BCR: variants seen among roughly 807,000 people sequenced by gnomAD.
The protein encoded by BCR is BCR activator of RhoGEF and GTPase.
A neutral mutation model predicts 138.6 loss-of-function variants in BCR; 58 were observed. The ratio of observed to expected loss-of-function variants is 0.42; its 90% CI spans 0.34 to 0.52. BCR has a LOEUF of 0.52. Ranked by LOEUF, BCR falls within the 20% of genes least tolerant of loss-of-function variation. BCR has a pLI of 0.06. For synonymous variants in BCR, 786 were observed against 730.1 expected, an observed-to-expected ratio of 1.08 and a Z score of -1.23; for missense variants, 1,599 against 1,727.2, an observed-to-expected ratio of 0.93 and a Z score of 1.32.
intron 1 of BCR, among the ~76,000 whole-genome samples, chr22:23,196,310 G>T (rs1007545921): frequency 1.3e-5 from 2 of 152,208 alleles, no homozygotes; most frequent in African/African-American, 4.8e-5. Context: ...GCAGGCCAGG[G>T]TGGGAGCCGG....
At chr22:23,274,845 T>C (rs2073553845) in intron 8 of BCR, among the ~76,000 whole-genome samples, 1 of 144,244 alleles carries the variant, frequency 6.9e-6, no homozygotes, top group African/African-American at 2.6e-5. Flanking sequence ...GAGGCGGAGT[T>C]TGCAGTGAGC....
intron 16 of BCR, among the ~76,000 whole-genome samples, chr22:23,303,977 C>T (rs553727670): frequency 7.6e-5 from 11 of 144,494 alleles, no homozygotes; most frequent in African/African-American, 2.6e-5. Context: ...CTCTGTTGCC[C>T]AGGTTGGAGT....
At chr22:23,283,087 T>A (rs1421673208) in intron 8 of BCR, 1 of 152,218 alleles carries the variant, frequency 6.6e-6, no homozygotes, top group Admixed American at 6.5e-5. Flanking sequence ...TGCGACAGCC[T>A]CTCCTCCTGT....
In BCR at chr22:23,181,515, G is replaced by C. The variant is rs200215919; in HGVS notation, c.555G>C (p.Glu185Asp). ...PFYVNVEFHHERGLVKVNDKE... is the reference protein window; with the variant it reads ...PFYVNVEFHHDRGLVKVNDKE... ...ACGTGAACGTCGAGTTTCACCACGA[G>C]CGCGGCCTGGTGAAGGTCAACGACA... Residue 185 changes from glutamate (E) to aspartate (D), a missense_variant, in exon 1 of 23, where the codon GAG becomes GAC. Coordinates refer to ENST00000305877, the MANE Select transcript of BCR (RefSeq NM_004327.4). 1.9e-6 allele frequency: 3 copies of C among 1,612,704 alleles called. No individual in the cohort carries two copies. Among genetic ancestry groups the C allele is most frequent in the African/African-American group, 2.7e-5 (2 of 75,066 alleles).
chr22:23,210,235 G>A (rs564152922), intron 1 of BCR, among the ~76,000 whole-genome samples: 32 of 152,118 alleles, frequency 2.1e-4, no homozygotes, highest in African/African-American at 6.5e-4. Flanking sequence ...GGGCAACAAA[G>A]TGAGACCCCA....
At chr22:23,188,440 T>G (rs1395736206) in intron 1 of BCR, among the ~76,000 whole-genome samples, 2 of 152,174 alleles carry the variant, frequency 1.3e-5, no homozygotes, top group East Asian at 1.9e-4. Flanking sequence ...GTCCTGTGGC[T>G]GGGAGGGCTT....
rs2072235056 is a variant in BCR, at chr22:23,180,811, C to G, written c.-150C>G. 3.5e-6 allele frequency: 1 copy of G among 288,504 alleles called. No homozygotes were observed. Among genetic ancestry groups the G allele is most frequent in the South Asian group, 1.3e-4 (1 of 7,758 alleles). 17.9% of individuals were successfully genotyped at this position (288,504 alleles called of 1,614,324 possible). On this transcript the variant is annotated 5_prime_UTR_variant, in exon 1 of 23. Coordinates refer to ENST00000305877, the MANE Select transcript of BCR (RefSeq NM_004327.4). ...CGCCCCGCTCCGCCTCACCTGCCAC[C>G]AGGGAGTGGGCGGGCATTGTTCGCC... is the stretch of plus-strand genomic sequence containing the variant.
At chr22:23,270,675 A>G (rs1054266266) in intron 5 of BCR, among the ~76,000 whole-genome samples, 3 of 152,264 alleles carry the variant, frequency 2.0e-5, no homozygotes, top group African/African-American at 7.2e-5. Flanking sequence ...CCTGCAGCAC[A>G]AGAGGTTGGC....
At chr22:23,273,263 A>G in intron 7 of BCR, 130 bp downstream of exon 7, 1 of 1,031,980 alleles carries the variant, frequency 9.7e-7, no homozygotes, top group African/African-American at 1.6e-5. Flanking sequence ...TCTAATGGGT[A>G]GAGGCCTGGG....
chr22:23,233,657 T>C (rs2072985486), intron 1 of BCR, among the ~76,000 whole-genome samples: 1 of 151,616 alleles, frequency 6.6e-6, no homozygotes, highest in African/African-American at 2.4e-5. Context: ...GTGTGGGGGC[T>C]TACACTCTTG....
chr22:23,309,611 G>T, intron 17 of BCR, 128 bp downstream of exon 17: 1 of 707,408 alleles, frequency 1.4e-6, no homozygotes, highest in Non-Finnish European at 2.5e-6. Context: ...GGTTGGAGAA[G>T]GGAGGGCCCC....
Position 23,287,246 on chromosome 22 carries a change from A to G in BCR, c.2494A>G (p.Met832Val). 6.4e-7 allele frequency: 1 copy of G among 1,557,498 alleles called. No individual in the cohort carries two copies. The highest frequency in any genetic ancestry group is 8.7e-7 in the Non-Finnish European group (1 of 1,150,094). The change falls in exon 11 of 23, where the codon ATG becomes GTG. Residue 832 changes from methionine (M) to valine (V), a missense_variant. By Grantham distance (21) the Met-to-Val change is conservative. Around this residue, in one of 4 missense-constraint regions of BCR, gnomAD observed 590 missense variants for 762.4 expected, o/e 0.77. Transcript: ENST00000305877. ...ACTGCTGCTGCTTATGTCTCCCAGC[A>G]TGGCCTTCAGGGTGCACAGCCGCAA... ...ESLLLLMSPSMAFRVHSRNGK... is the reference protein window; with the variant it reads ...ESLLLLMSPSVAFRVHSRNGK...
chr22:23,279,739 G>C (rs575030443), intron 8 of BCR, among the ~76,000 whole-genome samples: 1 of 152,264 alleles, frequency 6.6e-6, no homozygotes, highest in African/African-American at 2.4e-5. Context: ...ACTGTAGTTC[G>C]TGTACCTGGG....
At chr22:23,306,084 T>G (rs554112972) in intron 16 of BCR, 1 of 152,232 alleles carries the variant, frequency 6.6e-6, no homozygotes, top group Non-Finnish European at 1.5e-5. Context: ...CGGCGCACAC[T>G]CTGTTCTTTG....
At chr22:23,251,676 G>A (rs1442583773) in intron 1 of BCR, among the ~76,000 whole-genome samples, 1 of 152,252 alleles carries the variant, frequency 6.6e-6, no homozygotes, top group Admixed American at 6.5e-5. Context: ...TGTGTGTGGT[G>A]GCAGTTGTAA....
intron 4 of BCR, among the ~76,000 whole-genome samples, chr22:23,265,769 CAT>C (rs1479167171): frequency 6.6e-6 from 1 of 152,216 alleles, no homozygotes; most frequent in Non-Finnish European, 1.5e-5. Flanking sequence ...CGCAAACGCA[CAT>C]AGACACATAC....
In BCR at chr22:23,235,113, G is replaced by GT. The variant is rs1255223371; in HGVS notation, c.1280-18679dup. Among the ~76,000 whole-genome samples, 5 of 143,670 alleles carry GT rather than the reference G, an allele frequency of 3.5e-5. 1 individual carries two copies. The highest frequency in any genetic ancestry group is 1.9e-4 in the East Asian group (1 of 5,134). 94.3% of individuals were successfully genotyped at this position (143,670 alleles called of 152,430 possible). On this transcript the variant is annotated intron_variant, in intron 1 of 22. Transcript: ENST00000305877. ...TCTGTGGGGTTTTTTGTTTTGTTTTGTTTTTTTGAGATGGAGTCTCTCGCT... is the reference window on the plus strand; with the variant it reads ...TCTGTGGGGTTTTTTGTTTTGTTTTGTTTTTTTTGAGATGGAGTCTCTCGCT...
chr22:23,255,239 G>A (rs2073279782), intron 2 of BCR, among the ~76,000 whole-genome samples: 1 of 152,126 alleles, frequency 6.6e-6, no homozygotes, highest in Admixed American at 6.5e-5. Flanking sequence ...ATTCTGAACC[G>A]AGAGGATGGG....
chr22:23,199,717 T>C (rs557243045), intron 1 of BCR, among the ~76,000 whole-genome samples: 11 of 152,170 alleles, frequency 7.2e-5, no homozygotes, highest in Non-Finnish European at 1.3e-4. Flanking sequence ...TTCTTCTTTG[T>C]CTCTCCTTTC....
Sources: gnomAD v4.1 joint callset for allele counts (sites outside exome capture counted in the v4.1 genomes callset) on GRCh38, gnomAD v4.1.1 for gene constraint, gnomAD v4.1.1 regional missense constraint, MANE v1.5 for transcripts, NCBI Gene and HGNC (gene_info 2026-07-23, HGNC 2026-07-21) for gene names.